PSEN2: variants seen among roughly 807,000 people sequenced by gnomAD.
PSEN2 encodes the protein presenilin 2.
PSEN2 carries 32 observed loss-of-function variants against 49.1 expected under a neutral mutation model. The ratio of observed to expected loss-of-function variants is 0.65; its 90% CI spans 0.49 to 0.88. The LOEUF is 0.88. PSEN2 is among the 40% of genes least tolerant of loss of function. The pLI, the probability that PSEN2 is intolerant of heterozygous loss-of-function variation, is 0.00. For missense variants in PSEN2, 522 were observed against 586.9 expected (o/e 0.89, Z 1.14); for synonymous variants, 255 against 244.0 (o/e 1.05, Z -0.42).
chr1:226,888,181 G>A (rs757136131), intron 7 of PSEN2, 23 bp downstream of exon 7: 7 of 1,595,054 alleles, frequency 4.4e-6, no homozygotes, highest in Non-Finnish European at 6.0e-6. Flanking sequence ...TAAGCAGCAG[G>A]GTCCCTGGGA....
At chr1:226,872,917 T>C (rs923167384) in intron 2 of PSEN2, among the ~76,000 whole-genome samples, 2 of 152,126 alleles carry the variant, frequency 1.3e-5, no homozygotes, top group Non-Finnish European at 2.9e-5. Flanking sequence ...GTGGCTCATG[T>C]CTGTAATCCC....
chr1:226,895,075 C>T (rs1050979103), intron 12 of PSEN2, among the ~76,000 whole-genome samples: 1 of 152,158 alleles, frequency 6.6e-6, no homozygotes, highest in African/African-American at 2.4e-5. Context: ...GTTGAGCCCA[C>T]CTAGCTCTCA....
rs1481220397 is a variant in PSEN2 at position 226,893,935 on chromosome 1, G to T, written c.1073-72G>T. 6 of 1,379,906 alleles carry T rather than the reference G, an allele frequency of 4.3e-6. No individual in the cohort carries two copies. In the East Asian group the frequency reaches 1.1e-4, roughly 26 times the overall value. The allele number at this position is 1,379,906 out of a possible 1,614,324, so 85.5% of individuals were successfully genotyped here. A position where few individuals can be genotyped will look rare whatever the true frequency, so the allele number is the denominator to read the frequency against. ...TGGGCAAGAGCAGCTGGGCCTTCTG[G>T]GCCAGAGTTTCTCTTCTTTTTCCAT... On this transcript the variant is annotated intron_variant, in intron 11 of 12. Transcript: ENST00000366783.
intron 3 of PSEN2, among the ~76,000 whole-genome samples, chr1:226,878,063 T>C (rs535973879): frequency 6.6e-6 from 1 of 151,304 alleles, no homozygotes; most frequent in South Asian, 2.1e-4. Flanking sequence ...AGGGATTGTC[T>C]TTTTTTTCTT....
chr1:226,891,335 T>C lies in PSEN2; in HGVS notation c.944T>C (p.Leu315Pro). The C allele has an allele frequency of 6.2e-7, 1 of 1,613,686 alleles. No individual in the cohort carries two copies. Among genetic ancestry groups the C allele is most frequent in the South Asian group, 1.1e-5 (1 of 90,914 alleles). The change falls in exon 10 of 13, where the codon CTC becomes CCC. Residue 315 changes from leucine (L) to proline (P), a missense_variant. Leu to Pro is a moderately conservative substitution (Grantham distance 98). Transcript: ENST00000366783. ...AKLDPSSQGA[L>P]QLPYDPEMEE... is the part of the protein sequence containing the mutation. ...CTGGACCCCTCCTCTCAGGGTGCCC[T>C]CCAGCTCCCCTACGACCCGGAGATG...
chr1:226,890,306 A>G (rs747176527), intron 9 of PSEN2, among the ~76,000 whole-genome samples, 173 bp downstream of exon 9: 10 of 152,222 alleles, frequency 6.6e-5, no homozygotes, highest in African/African-American at 2.4e-4. Flanking sequence ...TAAGAAGCTT[A>G]GAAAGTTAGG....
rs566875696 is a variant in PSEN2 at position 226,888,447 on chromosome 1, A to G, written c.566+289A>G. Among the ~76,000 whole-genome samples the G allele has an allele frequency of 2.2e-3, 338 of 152,312 alleles. 1 individual carries two copies. The highest frequency in any genetic ancestry group is 7.7e-3 in the African/African-American group (320 of 41,584). ...ACCCCAGGGGGATAGAAACCCCCCA[A>G]AATTTACATTCTGATTTTTAGGCTA... On this transcript the variant is annotated intron_variant, in intron 7 of 12. Transcript: ENST00000366783.
downstream of PSEN2, among the ~76,000 whole-genome samples, chr1:226,896,632 C>T (rs757629518): frequency 1.4e-4 from 21 of 151,932 alleles, no homozygotes; most frequent in Admixed American, 2.0e-4. Context: ...GAGGTCGAGT[C>T]GGAAGGATCA....
intron 1 of PSEN2, chr1:226,870,953 C>T (rs989447746): frequency 2.0e-5 from 3 of 152,326 alleles, no homozygotes; most frequent in Admixed American, 6.5e-5. Context: ...CCCCACTTCC[C>T]TGCGCCCGCC....
At chr1:226,875,759 A>G (rs896178383) in intron 3 of PSEN2, among the ~76,000 whole-genome samples, 4 of 152,158 alleles carry the variant, frequency 2.6e-5, no homozygotes, top group Non-Finnish European at 5.9e-5. Flanking sequence ...GGTTTCCATA[A>G]TGATTGCAGG....
At chr1:226,893,864 C>G in intron 11 of PSEN2, 143 bp from the exon 12 acceptor site, 3 of 738,976 alleles carry the variant, frequency 4.1e-6, no homozygotes, top group Non-Finnish European at 7.4e-6. Context: ...GTCCATGTCC[C>G]CAGTCCACAT....
intron 3 of PSEN2, among the ~76,000 whole-genome samples, 174 bp from the exon 4 acceptor site, chr1:226,881,714 A>G (rs561680440): frequency 6.6e-6 from 1 of 152,300 alleles, no homozygotes; most frequent in Admixed American, 6.5e-5. Context: ...CCTCCATGGT[A>G]ACTCTCAAGG....
intron 4 of PSEN2, among the ~76,000 whole-genome samples, chr1:226,882,788 GC>G (rs1400502505): frequency 3.3e-5 from 5 of 152,098 alleles, no homozygotes; most frequent in African/African-American, 1.2e-4. Flanking sequence ...CCAGCTTAAG[GC>G]CACTGCTCTG....
chr1:226,895,291 G>C, intron 12 of PSEN2, 133 bp from the exon 13 acceptor site: 2 of 989,060 alleles, frequency 2.0e-6, no homozygotes, highest in Non-Finnish European at 3.1e-6. Context: ...GACCAGGGAA[G>C]ATAATGGGGT....
chr1:226,891,491 A>AACCAGCCGGACACATGCGGCTTG (rs1220721172), intron 10 of PSEN2, 130 bp downstream of exon 10: 1 of 855,156 alleles, frequency 1.2e-6, no homozygotes, highest in Non-Finnish European at 1.8e-6. Context: ...GTCCGTTGAA[A>AACCAGCCGGACACATGCGGCTTG]ACCAGCCGGA....
rs114816603 is a variant in PSEN2 at position 226,887,970 on chromosome 1, G to A, written c.499-121G>A. ...AGGTGGCCACCTGATCCCTTCCAGC[G>A]TAGGCATGAAGTAGCCTAATGAAGA... On this transcript the variant is annotated intron_variant, in intron 6 of 12. Coordinates refer to ENST00000366783, the MANE Select transcript of PSEN2 (RefSeq NM_000447.3). The A allele has an allele frequency of 7.7e-3, 6,479 of 840,766 alleles. 47 individuals are homozygous for A. The highest frequency in any genetic ancestry group is 0.024 in the African/African-American group (1,474 of 60,222). The allele number at this position is 840,766 out of a possible 1,614,324, so 52.1% of individuals were successfully genotyped here.
intron 2 of PSEN2, among the ~76,000 whole-genome samples, chr1:226,873,649 C>A (rs1660447535): frequency 6.6e-6 from 1 of 152,158 alleles, no homozygotes; most frequent in East Asian, 1.9e-4. Flanking sequence ...CTCCTGACCT[C>A]AGGTGATCCG....
At position 226,888,945 on chromosome 1, in the gene PSEN2, A is replaced by T. The variant is rs63750880; in HGVS notation, c.683A>T (p.Gln228Leu). ...CIHWKGPLVL[Q>L]QAYLIMISAL... is the part of the protein sequence containing the mutation. ...CACTGGAAGGGCCCTCTGGTGCTGC[A>T]GCAGGCCTACCTCATCATGATCAGT... Residue 228 changes from glutamine (Q) to leucine (L), a missense_variant, in exon 8 of 13, where the codon CAG becomes CTG. Gln to Leu is a moderately radical substitution (Grantham distance 113). Transcript: ENST00000366783. 2.5e-6 allele frequency: 4 copies of T among 1,614,114 alleles called. No individual in the cohort carries two copies. The highest frequency in any genetic ancestry group is 3.4e-6 in the Non-Finnish European group (4 of 1,180,050).
At chr1:226,892,700 A>T (rs1323435311) in intron 11 of PSEN2, among the ~76,000 whole-genome samples, 2 of 152,066 alleles carry the variant, frequency 1.3e-5, no homozygotes, top group East Asian at 3.9e-4. Context: ...GGAGGTATTT[A>T]TTCCAAGGCC....
Sources: allele counts gnomAD v4.1 joint callset (sites outside exome capture counted in the v4.1 genomes callset), GRCh38; gene constraint gnomAD v4.1.1; transcripts MANE v1.5; gene names NCBI Gene and HGNC (gene_info 2026-07-23, HGNC 2026-07-21).